The following KIAA0825 variants were observed in gnomAD, a reference collection of about 807,000 sequenced individuals.
KIAA0825 encodes uncharacterized protein KIAA0825.
In KIAA0825, 119 loss-of-function variants were observed where a neutral mutation model predicts 147.6. The observed-to-expected ratio is 0.81, with a 90% CI of 0.69 to 0.94. The LOEUF is 0.94. KIAA0825 is among the 40% of genes least tolerant of loss of function. The pLI is 0.00. For synonymous variants in KIAA0825, 470 were observed against 518.1 expected, an observed-to-expected ratio of 0.91 and a Z score of 1.26; for missense variants, 1,381 against 1,472.7, an observed-to-expected ratio of 0.94 and a Z score of 1.02.
At chr5:94,313,912 T>C (rs1022425024) in intron 20 of KIAA0825, among the ~76,000 whole-genome samples, 2 of 151,622 alleles carry the variant, frequency 1.3e-5, no homozygotes, top group Non-Finnish European at 3.0e-5. Flanking sequence ...AGCACATGGC[T>C]ACAAAGTCAG....
Position 94,406,593 on chromosome 5 carries a change from T to G in KIAA0825, c.2663-2800A>C, listed in dbSNP as rs1752096251. 2.0e-5 allele frequency among the ~76,000 whole-genome samples: 3 copies of G among 151,720 alleles called. No individual in the cohort carries two copies. In the South Asian group the frequency reaches 6.2e-4, roughly 31 times the overall value. The stretch of plus-strand genomic sequence containing the variant: ...AAGCTATCAGAACACTGGCAAAAAT[T>G]GTGAAAATCAACTTTTGAGAACTCT... On this transcript the variant is annotated intron_variant, in intron 15 of 20. Transcript: ENST00000682413.
At chr5:94,214,867 C>G (rs1402361283) in intron 20 of KIAA0825, among the ~76,000 whole-genome samples, 1 of 152,050 alleles carries the variant, frequency 6.6e-6, no homozygotes, top group East Asian at 1.9e-4. Context: ...GAAAAAACAA[C>G]CAACAAACAA....
intron 3 of KIAA0825, 64 bp from the exon 4 acceptor site, chr5:94,524,162 T>A: frequency 9.7e-7 from 1 of 1,030,004 alleles, no homozygotes; most frequent in Non-Finnish European, 1.4e-6. Flanking sequence ...TTTCATAATA[T>A]CACAGGCCCT....
At chr5:94,310,246 A>C (rs913630434) in intron 20 of KIAA0825, among the ~76,000 whole-genome samples, 2 of 151,586 alleles carry the variant, frequency 1.3e-5, no homozygotes, top group South Asian at 4.1e-4. Context: ...CTGAAACTTC[A>C]CATTTTGCTC....
intron 15 of KIAA0825, among the ~76,000 whole-genome samples, chr5:94,408,406 A>G (rs907915282): frequency 2.2e-4 from 34 of 151,968 alleles, no homozygotes; most frequent in Non-Finnish European, 4.7e-4. Context: ...CTGGAATGCA[A>G]TGGTGCGATC....
At chr5:94,551,134 G>A (rs1331872496) in intron 2 of KIAA0825, among the ~76,000 whole-genome samples, 1 of 150,386 alleles carries the variant, frequency 6.6e-6, no homozygotes, top group Non-Finnish European at 1.5e-5. Context: ...CCAAGCAGAA[G>A]AAAGAATACC....
intron 14 of KIAA0825, among the ~76,000 whole-genome samples, chr5:94,433,130 T>C (rs1755910099): frequency 6.6e-6 from 1 of 152,126 alleles, no homozygotes; most frequent in Non-Finnish European, 1.5e-5. Context: ...ACCTTCCGGG[T>C]TGACATCCTG....
At chr5:94,414,219 A>G (rs1398657538) in intron 15 of KIAA0825, 1 of 152,238 alleles carries the variant, frequency 6.6e-6, no homozygotes, top group Non-Finnish European at 1.5e-5. Context: ...GCCATTATCG[A>G]GGAGCCAAGT....
intron 5 of KIAA0825, among the ~76,000 whole-genome samples, chr5:94,487,315 A>G (rs1763170681): frequency 6.6e-6 from 1 of 152,224 alleles, no homozygotes; most frequent in South Asian, 2.1e-4. Context: ...CTGCCCATTA[A>G]TTAGCAGTCC....
intron 20 of KIAA0825, among the ~76,000 whole-genome samples, chr5:94,196,239 C>T (rs972136559): frequency 3.3e-5 from 5 of 152,170 alleles, no homozygotes; most frequent in African/African-American, 1.2e-4. Flanking sequence ...CATATTTTTT[C>T]CTGTATCAGC....
At chr5:94,266,373 A>G (rs147469494) in intron 20 of KIAA0825, among the ~76,000 whole-genome samples, 2 of 149,826 alleles carry the variant, frequency 1.3e-5, no homozygotes, top group Non-Finnish European at 3.0e-5. Flanking sequence ...TTCCAAATTA[A>G]CAACTCATGA....
chr5:94,339,708 A>G (rs1464615621), intron 20 of KIAA0825, among the ~76,000 whole-genome samples: 1 of 152,140 alleles, frequency 6.6e-6, no homozygotes, highest in Non-Finnish European at 1.5e-5. Context: ...TTATACATCA[A>G]CTCAGTCAGT....
intron 6 of KIAA0825, among the ~76,000 whole-genome samples, chr5:94,482,101 G>A (rs1762556719): frequency 1.3e-5 from 2 of 151,848 alleles, no homozygotes; most frequent in African/African-American, 2.4e-5. Context: ...GAAAACCATC[G>A]AATCATGACC....
At chr5:94,529,791 A>T (rs909602536) in intron 3 of KIAA0825, among the ~76,000 whole-genome samples, 1 of 152,206 alleles carries the variant, frequency 6.6e-6, no homozygotes, top group East Asian at 1.9e-4. Context: ...TGTTCTATTC[A>T]TCTAACTTTA....
chr5:94,470,075 T>C lies in KIAA0825; in HGVS notation c.1758A>G (p.Glu586=). Residue 586 remains glutamate, a synonymous_variant, in exon 10 of 21, where the codon GAA becomes GAG. Transcript: ENST00000682413. ...CCTGAAACTGTAGAGTGTTGATGAA[T>C]TCCTGATATCGTTGGACAAGCACCA... ...IFLVLVQRYQ[E]FINTLQFQVT... The C allele has an allele frequency of 6.4e-7, 1 of 1,551,548 alleles. No homozygotes were observed. Among genetic ancestry groups the C allele is most frequent in the Non-Finnish European group, 8.7e-7 (1 of 1,146,904 alleles).
At position 94,377,247 on chromosome 5, in the gene KIAA0825, TTTAA is replaced by T. The variant is rs1356612290; in HGVS notation, c.3710+7117_3710+7120del. The stretch of plus-strand genomic sequence containing the variant: ...CCCTTCTGCTGTTCCTGCCATCATA[TTTAA>T]TTGTGTTTGCTCAACTCGAAGCCAA... On this transcript the variant is annotated intron_variant, in intron 20 of 20. Transcript: ENST00000682413. Among the ~76,000 whole-genome samples the T allele has an allele frequency of 2.0e-5, 3 of 152,226 alleles. 1 individual carries two copies. Among genetic ancestry groups the T allele is most frequent in the African/African-American group, 7.2e-5 (3 of 41,456 alleles).
intron 2 of KIAA0825, among the ~76,000 whole-genome samples, chr5:94,575,194 G>GT (rs953738371): frequency 5.9e-4 from 89 of 152,050 alleles, no homozygotes; most frequent in Non-Finnish European, 2.9e-4. Context: ...AGTCAAAAAT[G>GT]TTTTTTTACT....
intron 14 of KIAA0825, among the ~76,000 whole-genome samples, chr5:94,432,293 T>C (rs1451583864): frequency 1.3e-5 from 2 of 152,136 alleles, no homozygotes; most frequent in Non-Finnish European, 2.9e-5. Flanking sequence ...GCCCCACCCA[T>C]GACCTACTGA....
At chr5:94,230,981 A>G (rs932574404) in intron 20 of KIAA0825, among the ~76,000 whole-genome samples, 2 of 152,198 alleles carry the variant, frequency 1.3e-5, no homozygotes, top group Non-Finnish European at 2.9e-5. Context: ...TTCAGAAGAT[A>G]GGGATAATGA....
Sources: gnomAD v4.1 joint callset for allele counts (sites outside exome capture counted in the v4.1 genomes callset) on GRCh38, gnomAD v4.1.1 for gene constraint, MANE v1.5 for transcripts, NCBI Gene and HGNC (gene_info 2026-07-23, HGNC 2026-07-21) for gene names.